The following CORIN variants were observed in gnomAD, a reference collection of about 807,000 sequenced individuals.
CORIN encodes the protein atrial natriuretic peptide-converting enzyme.
A neutral mutation model predicts 125.3 loss-of-function variants in CORIN; 117 were observed. The ratio of observed to expected loss-of-function variants is 0.93; its 90% confidence interval spans 0.80 to 1.09. CORIN has a LOEUF of 1.09. Among genes scored for constraint, CORIN ranks in the 50% least tolerant of loss-of-function variants. CORIN has a pLI of 0.00. For synonymous variants in CORIN, 450 were observed against 466.4 expected (o/e 0.96, Z 0.45); for missense variants, 1,253 against 1,306.7 (o/e 0.96, Z 0.63).
intron 10 of CORIN, among the ~76,000 whole-genome samples, chr4:47,671,701 C>T (rs1724767771): frequency 6.6e-6 from 1 of 152,168 alleles, no homozygotes; most frequent in Non-Finnish European, 1.5e-5. Flanking sequence ...TCTCCTGCCT[C>T]AGCCTCTTGA....
At chr4:47,786,163 A>G (rs1730793247) in intron 3 of CORIN, among the ~76,000 whole-genome samples, 1 of 152,184 alleles carries the variant, frequency 6.6e-6, no homozygotes, top group African/African-American at 2.4e-5. Flanking sequence ...CCTCAGAAAT[A>G]TTGAATGGCA....
At chr4:47,632,730 G>GATAGAT (rs1722865946) in intron 16 of CORIN, among the ~76,000 whole-genome samples, 2 of 106,362 alleles carry the variant, frequency 1.9e-5, no homozygotes, top group East Asian at 3.2e-4. Flanking sequence ...ATAGATGATA[G>GATAGAT]ATAGATAGAT....
At position 47,603,604 on chromosome 4, in the gene CORIN, A is replaced by T. The variant is rs773726440; in HGVS notation, c.2605T>A (p.Phe869Ile). 1.1e-5 allele frequency: 18 copies of T among 1,614,078 alleles called. No individual in the cohort carries two copies. Among genetic ancestry groups the T allele is most frequent in the Admixed American group, 3.3e-5 (2 of 59,994 alleles). ...GINNLDHPSV[F>I]MQTRFVKTII... ...GTCTTCACAAAGCGTGTCTGCATGAACACTGATGGATGGTCTAGATTGTTG... is the reference window on the plus strand; with the variant it reads ...GTCTTCACAAAGCGTGTCTGCATGATCACTGATGGATGGTCTAGATTGTTG... Residue 869 changes from phenylalanine (F) to isoleucine (I), a missense_variant, in exon 20 of 22, where the codon TTC becomes ATC. Phe to Ile is a conservative substitution (Grantham distance 21). Transcript: ENST00000273857.
At chr4:47,784,954 T>G (rs1730719056) in intron 3 of CORIN, among the ~76,000 whole-genome samples, 1 of 152,214 alleles carries the variant, frequency 6.6e-6, no homozygotes, top group Non-Finnish European at 1.5e-5. Context: ...AGAATAATCC[T>G]GCTTTTCCTC....
chr4:47,825,674 C>T (rs964267835), intron 1 of CORIN, among the ~76,000 whole-genome samples: 1 of 151,200 alleles, frequency 6.6e-6, no homozygotes, highest in African/African-American at 2.4e-5. Flanking sequence ...GTAAAAATCA[C>T]CAGTAACTTT....
At chr4:47,791,703 C>G (rs567010792) in intron 2 of CORIN, among the ~76,000 whole-genome samples, 1 of 152,124 alleles carries the variant, frequency 6.6e-6, no homozygotes, top group Admixed American at 6.5e-5. Context: ...ACAAAACATA[C>G]AGGTTTTAAA....
chr4:47,837,416 G>T, intron 1 of CORIN: 1 of 239,866 alleles, frequency 4.2e-6, no homozygotes, highest in South Asian at 4.8e-5. Context: ...CCAGCCACCC[G>T]GCGCCCGAGA....
intron 1 of CORIN, among the ~76,000 whole-genome samples, chr4:47,818,515 G>C (rs1732370082): frequency 6.6e-6 from 1 of 152,160 alleles, no homozygotes; most frequent in African/African-American, 2.4e-5. Flanking sequence ...CTAAAAGGCA[G>C]TTTTTTAAAA....
chr4:47,604,721 G>A (rs2109512732), intron 19 of CORIN, among the ~76,000 whole-genome samples: 1 of 152,144 alleles, frequency 6.6e-6, no homozygotes, highest in Non-Finnish European at 1.5e-5. Flanking sequence ...CCTAATCTAA[G>A]CTACTCTCAA....
At chr4:47,811,757 C>A (rs536733762) in intron 1 of CORIN, among the ~76,000 whole-genome samples, 1 of 152,230 alleles carries the variant, frequency 6.6e-6, no homozygotes, top group South Asian at 2.1e-4. Flanking sequence ...GTCTATGGAC[C>A]AAACTCAGCA....
chr4:47,735,942 TAA>T (rs749270493), intron 5 of CORIN, among the ~76,000 whole-genome samples: 20 of 96,372 alleles, frequency 2.1e-4, no homozygotes, highest in African/African-American at 5.7e-4. Flanking sequence ...GACTCCATCT[TAA>T]AAAAAAAAAA....
At chr4:47,663,390 G>T (rs1270975944) in intron 11 of CORIN, among the ~76,000 whole-genome samples, 5 of 151,970 alleles carry the variant, frequency 3.3e-5, no homozygotes, top group Non-Finnish European at 7.4e-5. Context: ...ATTGCTTTAT[G>T]AACTTATTAG....
At chr4:47,730,582 G>A (rs1193343329) in intron 5 of CORIN, among the ~76,000 whole-genome samples, 1 of 152,036 alleles carries the variant, frequency 6.6e-6, no homozygotes, top group African/African-American at 2.4e-5. Context: ...ACTCTTGCAG[G>A]CCTCTGCACC....
At chr4:47,700,118 A>G (rs144018110) in intron 5 of CORIN, among the ~76,000 whole-genome samples, 1 of 152,338 alleles carries the variant, frequency 6.6e-6, no homozygotes, top group African/African-American at 2.4e-5. Flanking sequence ...TTGTTGTCAA[A>G]AACAAGTTTG....
intron 1 of CORIN, among the ~76,000 whole-genome samples, chr4:47,821,394 A>C (rs905938480): frequency 2.0e-5 from 3 of 150,840 alleles, no homozygotes; most frequent in Non-Finnish European, 3.0e-5. Context: ...ATAATATTAG[A>C]ATTATTATTT....
At chr4:47,662,928 C>G (rs1428935049) in intron 11 of CORIN, among the ~76,000 whole-genome samples, 2 of 152,106 alleles carry the variant, frequency 1.3e-5, no homozygotes, top group Non-Finnish European at 2.9e-5. Flanking sequence ...AAGATAAAGC[C>G]ATGGTATTTC....
chr4:47,834,876 T>C (rs1383807489), intron 1 of CORIN, among the ~76,000 whole-genome samples: 1 of 152,192 alleles, frequency 6.6e-6, no homozygotes, highest in East Asian at 1.9e-4. Context: ...GTCTGCAGTG[T>C]CCTTACCAGT....
chr4:47,680,041 G>T, intron 8 of CORIN, 100 bp downstream of exon 8: 1 of 695,500 alleles, frequency 1.4e-6, no homozygotes, highest in Non-Finnish European at 2.5e-6. Flanking sequence ...TTGGAATGCT[G>T]TGTATATAGT....
At chr4:47,765,128 G>T (rs554309381) in intron 3 of CORIN, among the ~76,000 whole-genome samples, 3 of 152,130 alleles carry the variant, frequency 2.0e-5, no homozygotes, top group African/African-American at 7.2e-5. Flanking sequence ...TGGTTAACAC[G>T]GTGAAACCCC....
Sources: gnomAD v4.1 joint callset for allele counts (sites outside exome capture counted in the v4.1 genomes callset) on GRCh38, gnomAD v4.1.1 for gene constraint, MANE v1.5 for transcripts, NCBI Gene and HGNC (gene_info 2026-07-23, HGNC 2026-07-21) for gene names.